Variants in TANC2 observed in about 807,000 individuals in gnomAD.
TANC2 encodes protein TANC2.
TANC2 carries 26 observed loss-of-function variants against 210.5 expected under a neutral mutation model. The observed-to-expected ratio is 0.12, with a 90% CI of 0.09 to 0.17. The LOEUF (loss-of-function observed/expected upper bound fraction) is 0.17, where lower values mean the gene tolerates loss of function less well. Ranked by LOEUF, TANC2 falls within the 10% of genes least tolerant of loss-of-function variation. TANC2 has a pLI of 1.00. For missense variants in TANC2, 2,129 were observed against 2,608.9 expected, an observed-to-expected ratio of 0.82 and a Z score of 4.01; for synonymous variants, 931 against 967.1, an observed-to-expected ratio of 0.96 and a Z score of 0.69.
At chr17:63,333,819 A>G (rs2146736157) in intron 11 of TANC2, among the ~76,000 whole-genome samples, 1 of 152,318 alleles carries the variant, frequency 6.6e-6, no homozygotes, top group South Asian at 2.1e-4. Context: ...GTCAGCAGCC[A>G]TCAACATCGA....
intron 7 of TANC2, among the ~76,000 whole-genome samples, chr17:63,232,783 AG>A (rs2042513184): frequency 6.6e-6 from 1 of 152,234 alleles, no homozygotes; most frequent in South Asian, 2.1e-4. Context: ...CCCCTTGGGC[AG>A]AGGGGGTGCA....
At chr17:63,263,305 AATTATAT>A (rs1202705332) in intron 8 of TANC2, among the ~76,000 whole-genome samples, 2 of 152,168 alleles carry the variant, frequency 1.3e-5, no homozygotes, top group Non-Finnish European at 2.9e-5. Context: ...AAAGTAGGAT[AATTATAT>A]ATTATAACTA....
chr17:63,378,606 A>G (rs1241680072), intron 14 of TANC2, among the ~76,000 whole-genome samples: 1 of 152,228 alleles, frequency 6.6e-6, no homozygotes, highest in Non-Finnish European at 1.5e-5. Context: ...CATCATGGGC[A>G]GATAAGACAA....
At chr17:63,055,357 TTTATA>T (rs2035731279) in intron 2 of TANC2, among the ~76,000 whole-genome samples, 1 of 151,974 alleles carries the variant, frequency 6.6e-6, no homozygotes, top group East Asian at 1.9e-4. Flanking sequence ...ATAATATTGT[TTTATA>T]TTATTTATAA....
chr17:63,359,506 C>T (rs1461339183), intron 14 of TANC2, among the ~76,000 whole-genome samples: 5 of 151,880 alleles, frequency 3.3e-5, no homozygotes, highest in African/African-American at 4.8e-5. Context: ...CTACCTTGCC[C>T]GGCTAACTTT....
At chr17:63,045,380 G>A (rs1046586284) in intron 2 of TANC2, among the ~76,000 whole-genome samples, 1 of 152,080 alleles carries the variant, frequency 6.6e-6, no homozygotes, top group African/African-American at 2.4e-5. Flanking sequence ...GTTTTAGGAC[G>A]GAAACTCCAA....
intron 9 of TANC2, among the ~76,000 whole-genome samples, chr17:63,280,928 C>T (rs2044040144): frequency 6.6e-6 from 1 of 152,112 alleles, no homozygotes; most frequent in Non-Finnish European, 1.5e-5. Flanking sequence ...TCATCTGGCA[C>T]CTCTGGCCTG....
intron 5 of TANC2, chr17:63,152,758 CAG>C (rs754706518): frequency 1.3e-5 from 2 of 152,020 alleles, no homozygotes; most frequent in Non-Finnish European, 2.9e-5. Flanking sequence ...AAAACCCTAT[CAG>C]AGGCCTTTTC....
intron 14 of TANC2, among the ~76,000 whole-genome samples, chr17:63,375,379 G>A (rs1361394987): frequency 6.6e-6 from 1 of 152,220 alleles, no homozygotes; most frequent in Admixed American, 6.5e-5. Context: ...ATGAAGACTA[G>A]AGAAATGCAG....
In TANC2 at chr17:63,395,947, G is replaced by A. The variant is rs370017121; in HGVS notation, c.3237+19G>A. On this transcript the variant is annotated intron_variant, in intron 18 of 27. Coordinates refer to ENST00000689528, the Ensembl canonical transcript of TANC2. ...TACTGAGGTAAGAAGTAGGCAATAG[G>A]ATTGTTTTTTCAAGCTCTGTATTGA... is the stretch of plus-strand genomic sequence containing the variant. 27 of 1,589,546 alleles carry A rather than the reference G, an allele frequency of 1.7e-5. No individual in the cohort carries two copies. In the African/African-American group the frequency reaches 3.4e-4, roughly 20 times the overall value.
exon 28 of TANC2, chr17:63,425,124 G>A (rs1257225203): frequency 2.0e-5 from 3 of 151,970 alleles, no homozygotes; most frequent in African/African-American, 4.8e-5. Flanking sequence ...TATCTTGTCC[G>A]GGTTGCAGAC....
chr17:63,095,905 T>C (rs983207579), intron 3 of TANC2, among the ~76,000 whole-genome samples: 19 of 152,212 alleles, frequency 1.2e-4, no homozygotes, highest in African/African-American at 4.1e-4. Context: ...ACAGCCAAAC[T>C]GGACTAATTG....
At chr17:63,345,619 CA>C (rs752643075) in intron 12 of TANC2, among the ~76,000 whole-genome samples, 23,597 of 86,544 alleles carry the variant, frequency 0.27, 1,503 homozygotes, top group South Asian at 0.36. Context: ...AATTCTGTCT[CA>C]AAAAAAAAAA....
chr17:63,177,224 C>T (rs1181541400), intron 5 of TANC2, among the ~76,000 whole-genome samples: 1 of 129,636 alleles, frequency 7.7e-6, no homozygotes, highest in Admixed American at 8.6e-5. Flanking sequence ...ATGACTGTGC[C>T]ATTGTACTCC....
intron 4 of TANC2, among the ~76,000 whole-genome samples, chr17:63,135,734 G>T (rs1031530421): frequency 6.6e-6 from 1 of 152,068 alleles, no homozygotes; most frequent in Admixed American, 6.6e-5. Context: ...AAACTCAGAA[G>T]TTGGTCTGAC....
At chr17:63,264,658 C>T (rs1477522170) in intron 8 of TANC2, among the ~76,000 whole-genome samples, 2 of 152,138 alleles carry the variant, frequency 1.3e-5, no homozygotes, top group East Asian at 3.9e-4. Context: ...TGAGAAACTA[C>T]CTATTTTTAT....
chr17:63,373,621 A>G (rs1170043424), intron 14 of TANC2, among the ~76,000 whole-genome samples: 2 of 152,180 alleles, frequency 1.3e-5, no homozygotes, highest in East Asian at 3.8e-4. Flanking sequence ...ATCCTCTACC[A>G]TAATATTGGG....
intron 12 of TANC2, among the ~76,000 whole-genome samples, chr17:63,342,108 C>T (rs2046247582): frequency 6.6e-6 from 1 of 152,158 alleles, no homozygotes; most frequent in Non-Finnish European, 1.5e-5. Flanking sequence ...ACCTACTGAT[C>T]TACCTGCCCC....
intron 4 of TANC2, among the ~76,000 whole-genome samples, chr17:63,122,935 A>G (rs2038542820): frequency 6.6e-6 from 1 of 152,242 alleles, no homozygotes; most frequent in South Asian, 2.1e-4. Context: ...AAATGCATTC[A>G]AGTGGTAAAT....
Sources: allele counts gnomAD v4.1 joint callset (sites outside exome capture counted in the v4.1 genomes callset), GRCh38; gene constraint gnomAD v4.1.1; transcripts MANE v1.5; gene names NCBI Gene and HGNC (gene_info 2026-07-23, HGNC 2026-07-21).